The following PAQR3 variants were observed in gnomAD, a reference collection of about 807,000 sequenced individuals.
PAQR3 encodes the protein Raf kinase trapping to Golgi.
A neutral mutation model predicts 41.7 loss-of-function variants in PAQR3; 39 were observed. That is an observed-to-expected ratio of 0.93 (90% CI 0.72 to 1.22). The LOEUF (loss-of-function observed/expected upper bound fraction) is 1.22. PAQR3 is among the 50% of genes most tolerant of loss of function. PAQR3 has a pLI of 0.00. For synonymous variants in PAQR3, 140 were observed against 140.6 expected, an observed-to-expected ratio of 1.00 and a Z score of 0.03; for missense variants, 366 against 385.6, an observed-to-expected ratio of 0.95 and a Z score of 0.42.
At chr4:78,889,364 G>GAGAA (rs1319022918) in intron 11 of PAQR3, among the ~76,000 whole-genome samples, 1 of 152,024 alleles carries the variant, frequency 6.6e-6, no homozygotes, top group East Asian at 1.9e-4. Flanking sequence ...ATGGTCATAG[G>GAGAA]AGAAATGCGT....
At chr4:78,924,082 T>C in intron 4 of PAQR3, 135 bp from the exon 5 acceptor site, 1 of 678,676 alleles carries the variant, frequency 1.5e-6, no homozygotes, top group Non-Finnish European at 2.5e-6. Flanking sequence ...ATAGAAACCT[T>C]GTCCTCACAT....
chr4:78,910,538 A>G (rs577428868), downstream of PAQR3: 1 of 1,220,068 alleles, frequency 8.2e-7, no homozygotes, highest in Non-Finnish European at 1.1e-6. Flanking sequence ...TGTGTAATAC[A>G]TATTAACATT....
At position 78,920,487 on chromosome 4, in the gene PAQR3, T is replaced by C; in HGVS notation, c.*52A>G. The C allele has an allele frequency of 3.2e-6, 5 of 1,546,326 alleles. No individual in the cohort carries two copies. The highest frequency in any genetic ancestry group is 4.4e-6 in the Non-Finnish European group (5 of 1,144,842). ...TCTTAGAAATAGTGGGGTATACAATTCCCCATTATATATTGCTTAACAACT... is the reference window on the plus strand; with the variant it reads ...TCTTAGAAATAGTGGGGTATACAATCCCCCATTATATATTGCTTAACAACT... On this transcript the variant is annotated 3_prime_UTR_variant, in exon 6 of 6. Coordinates refer to ENST00000512733, the MANE Select transcript of PAQR3 (RefSeq NM_001040202.2).
chr4:78,938,054 AAC>A (rs1234441715), intron 1 of PAQR3, among the ~76,000 whole-genome samples: 1 of 152,220 alleles, frequency 6.6e-6, no homozygotes, highest in African/African-American at 2.4e-5. Flanking sequence ...GAGTCACAGA[AAC>A]ACTTTCATGG....
At chr4:78,901,915 G>C (rs1357132481) in intron 11 of PAQR3, among the ~76,000 whole-genome samples, 1 of 152,154 alleles carries the variant, frequency 6.6e-6, no homozygotes, top group Non-Finnish European at 1.5e-5. Flanking sequence ...AAAGACCCTA[G>C]ACCCACCTCG....
chr4:78,928,489 G>T (rs1032246771), intron 3 of PAQR3, among the ~76,000 whole-genome samples: 1 of 152,180 alleles, frequency 6.6e-6, no homozygotes, highest in Non-Finnish European at 1.5e-5. Context: ...TCAAATTTAT[G>T]ATTTTTCTCT....
chr4:78,920,738 A>G, intron 5 of PAQR3, 57 bp from the exon 6 acceptor site: 1 of 1,534,956 alleles, frequency 6.5e-7, no homozygotes, highest in Non-Finnish European at 8.8e-7. Context: ...CATTAAAGGA[A>G]AAATATATTT....
intron 11 of PAQR3, among the ~76,000 whole-genome samples, chr4:78,897,248 C>T (rs1454721115): frequency 1.3e-5 from 2 of 151,670 alleles, no homozygotes; most frequent in Non-Finnish European, 2.9e-5. Context: ...AACATAACAT[C>T]TTGGGGAAAA....
intron 11 of PAQR3, among the ~76,000 whole-genome samples, chr4:78,902,599 A>C (rs1734066473): frequency 6.6e-6 from 1 of 152,166 alleles, no homozygotes. Flanking sequence ...GAAGGCATGT[A>C]ATTACAATAG....
At chr4:78,934,375 G>C (rs1450004029) in intron 2 of PAQR3, among the ~76,000 whole-genome samples, 1 of 152,182 alleles carries the variant, frequency 6.6e-6, no homozygotes, top group African/African-American at 2.4e-5. Context: ...TAACTGCAGG[G>C]AATAGCTACT....
chr4:78,931,966 T>A (rs1043102563), intron 2 of PAQR3, among the ~76,000 whole-genome samples: 11 of 152,024 alleles, frequency 7.2e-5, no homozygotes, highest in South Asian at 2.1e-4. Flanking sequence ...AAACAGGAGG[T>A]TACAGAAATA....
chr4:78,905,554 A>G (rs1448933481), intron 11 of PAQR3, among the ~76,000 whole-genome samples: 2 of 151,996 alleles, frequency 1.3e-5, no homozygotes, highest in African/African-American at 2.4e-5. Context: ...CTTATTCTAA[A>G]TATTATACCC....
At chr4:78,890,298 T>C (rs1434967777) in intron 11 of PAQR3, among the ~76,000 whole-genome samples, 1 of 152,186 alleles carries the variant, frequency 6.6e-6, no homozygotes, top group African/African-American at 2.4e-5. Context: ...TTCTTACCTC[T>C]GCACTTTTTA....
At chr4:78,910,692 T>A (rs1409315363), downstream of PAQR3, 1 of 1,610,868 alleles carries the variant, frequency 6.2e-7, no homozygotes, top group Non-Finnish European at 8.5e-7. Flanking sequence ...GTAAAACAAG[T>A]CCAGCATCTA....
chr4:78,921,610 C>T (rs1378119388), intron 5 of PAQR3: 2 of 849,478 alleles, frequency 2.4e-6, no homozygotes, highest in Non-Finnish European at 2.8e-6. Flanking sequence ...TATCAGAGAT[C>T]CACTCAATTC....
At chr4:78,891,821 G>A (rs1167101043) in intron 11 of PAQR3, among the ~76,000 whole-genome samples, 1 of 152,112 alleles carries the variant, frequency 6.6e-6, no homozygotes, top group Non-Finnish European at 1.5e-5. Context: ...ATGTAAAGAA[G>A]TTTGCTTATT....
intron 1 of PAQR3, among the ~76,000 whole-genome samples, chr4:78,935,559 T>A (rs1737341927): frequency 6.6e-6 from 1 of 152,216 alleles, no homozygotes; most frequent in African/African-American, 2.4e-5. Context: ...ACAAATTCCA[T>A]CTCATCTTCC....
chr4:78,892,747 A>C (rs1417400211), intron 11 of PAQR3, among the ~76,000 whole-genome samples: 1 of 152,208 alleles, frequency 6.6e-6, no homozygotes, highest in Non-Finnish European at 1.5e-5. Context: ...CAAAAGTTAC[A>C]TTTACGCTAT....
chr4:78,923,774 A>G, intron 5 of PAQR3, 83 bp downstream of exon 5: 1 of 883,432 alleles, frequency 1.1e-6, no homozygotes, highest in Non-Finnish European at 1.8e-6. Flanking sequence ...AAAAAATGAA[A>G]CTAAGTTTTG....
Sources: gnomAD v4.1 joint callset for allele counts (sites outside exome capture counted in the v4.1 genomes callset) on GRCh38, gnomAD v4.1.1 for gene constraint, MANE v1.5 for transcripts, NCBI Gene and HGNC (gene_info 2026-07-23, HGNC 2026-07-21) for gene names.